The following NDST4 variants were observed in gnomAD, a reference collection of about 807,000 sequenced individuals.
NDST4 encodes N-deacetylase and N-sulfotransferase 4.
A neutral mutation model predicts 100.8 loss-of-function variants in NDST4; 63 were observed. The observed-to-expected ratio is 0.62, with a 90% CI of 0.51 to 0.77. The LOEUF (loss-of-function observed/expected upper bound fraction) is 0.77, where lower values mean the gene tolerates loss of function less well. NDST4 is among the 30% of genes least tolerant of loss of function. NDST4 has a pLI of 0.00. For synonymous variants in NDST4, 377 were observed against 361.8 expected, an observed-to-expected ratio of 1.04 and a Z score of -0.48; for missense variants, 943 against 1,018.4, an observed-to-expected ratio of 0.93 and a Z score of 1.01.
In NDST4 at chr4:114,870,921, G is replaced by A. The variant is rs779656428; in HGVS notation, c.1566C>T (p.Asn522=). 1.2e-6 allele frequency: 2 copies of A among 1,608,160 alleles called. No individual in the cohort carries two copies. Among genetic ancestry groups the A allele is most frequent in the Non-Finnish European group, 8.5e-7 (1 of 1,177,520 alleles). Residue 522 remains asparagine (N), a synonymous_variant, in exon 7 of 14, where the codon AAC becomes AAT. Coordinates refer to ENST00000264363, the MANE Select transcript of NDST4 (RefSeq NM_022569.3). The stretch of plus-strand genomic sequence containing the variant: ...ATAACCCTAGGCGGTCATTTCCATA[G>A]TTTGATAAATGGGTCATGAAAATGC... ...PISIFMTHLS[N]YGNDRLGLYT... is the part of the protein sequence containing the mutation.
intron 1 of NDST4, among the ~76,000 whole-genome samples, chr4:115,106,890 C>T (rs1247284821): frequency 6.6e-6 from 1 of 152,112 alleles, no homozygotes; most frequent in Non-Finnish European, 1.5e-5. Context: ...GGCAGTGGCT[C>T]ATGCCTATGA....
chr4:115,105,606 C>T (rs112877408), intron 1 of NDST4, among the ~76,000 whole-genome samples: 1,765 of 152,116 alleles, frequency 0.012, 36 homozygotes, highest in African/African-American at 0.04. Flanking sequence ...AGTGCGACAA[C>T]AAAAAACAAC....
intron 2 of NDST4, among the ~76,000 whole-genome samples, chr4:114,986,795 T>TATATAC (rs1726914881): frequency 6.1e-5 from 1 of 16,330 alleles, no homozygotes; most frequent in African/African-American, 1.5e-4. Flanking sequence ...CAATTATACA[T>TATATAC]ATATATATAT....
chr4:114,958,169 C>T (rs565768946), intron 4 of NDST4, among the ~76,000 whole-genome samples: 1 of 152,348 alleles, frequency 6.6e-6, no homozygotes, highest in East Asian at 1.9e-4. Flanking sequence ...GGGCTCCGCC[C>T]CTGCAGCACA....
intron 6 of NDST4, among the ~76,000 whole-genome samples, chr4:114,924,640 G>A (rs1018878827): frequency 6.6e-6 from 1 of 152,022 alleles, no homozygotes; most frequent in Non-Finnish European, 1.5e-5. Flanking sequence ...TTTCACTCTA[G>A]TAGAAAAGTT....
At chr4:115,099,711 G>C (rs1729692071) in intron 1 of NDST4, among the ~76,000 whole-genome samples, 1 of 152,092 alleles carries the variant, frequency 6.6e-6, no homozygotes, top group South Asian at 2.1e-4. Flanking sequence ...ATTCATTGCT[G>C]GTAGGAATGA....
intron 1 of NDST4, among the ~76,000 whole-genome samples, chr4:115,085,743 C>T (rs1430339093): frequency 2.0e-5 from 3 of 152,142 alleles, no homozygotes; most frequent in Admixed American, 6.6e-5. Flanking sequence ...GTCAATTAAA[C>T]CTCTTTTCTT....
At chr4:114,995,671 T>C (rs977039406) in intron 2 of NDST4, among the ~76,000 whole-genome samples, 2 of 152,272 alleles carry the variant, frequency 1.3e-5, no homozygotes, top group Admixed American at 6.6e-5. Context: ...TTATTCATTT[T>C]TATCAGAATG....
chr4:114,846,218 A>T (rs1723547480), intron 9 of NDST4, among the ~76,000 whole-genome samples: 1 of 152,184 alleles, frequency 6.6e-6, no homozygotes, highest in African/African-American at 2.4e-5. Flanking sequence ...GAGTGAGGTG[A>T]AATAGGTAGG....
intron 2 of NDST4, among the ~76,000 whole-genome samples, chr4:115,023,145 G>T (rs193020447): frequency 6.6e-6 from 1 of 152,056 alleles, no homozygotes; most frequent in African/African-American, 2.4e-5. Context: ...AGTGTATACT[G>T]CTTGGGTGAT....
chr4:114,877,062 T>TC (rs1310362604), intron 6 of NDST4, among the ~76,000 whole-genome samples: 2 of 131,524 alleles, frequency 1.5e-5, no homozygotes, highest in Non-Finnish European at 3.1e-5. Flanking sequence ...TAAGTGTTAT[T>TC]AACACACACA....
At chr4:114,922,825 C>T (rs1446514489) in intron 6 of NDST4, among the ~76,000 whole-genome samples, 3 of 152,146 alleles carry the variant, frequency 2.0e-5, no homozygotes, top group Non-Finnish European at 4.4e-5. Context: ...CTATTGAGCC[C>T]ATGCTCTATG....
chr4:115,054,774 A>C (rs764575384), intron 2 of NDST4, among the ~76,000 whole-genome samples: 1 of 152,132 alleles, frequency 6.6e-6, no homozygotes, highest in Non-Finnish European at 1.5e-5. Flanking sequence ...CTTATATGTT[A>C]GTATTATCCT....
intron 2 of NDST4, among the ~76,000 whole-genome samples, chr4:115,027,038 C>T (rs762446163): frequency 4.6e-5 from 7 of 152,112 alleles, no homozygotes; most frequent in Non-Finnish European, 1.0e-4. Context: ...AAGAAGTAAC[C>T]TGGCTGGTGG....
At chr4:114,876,613 T>C (rs991721813) in intron 6 of NDST4, among the ~76,000 whole-genome samples, 1 of 152,140 alleles carries the variant, frequency 6.6e-6, no homozygotes, top group Admixed American at 6.6e-5. Flanking sequence ...GGACAACTAA[T>C]AACCTGGTAA....
intron 1 of NDST4, among the ~76,000 whole-genome samples, chr4:115,094,261 T>C (rs534972177): frequency 1.1e-4 from 16 of 152,244 alleles, no homozygotes; most frequent in African/African-American, 3.8e-4. Context: ...AGAATTTGAA[T>C]AGTCAAAAAT....
chr4:115,075,201 C>A (rs1181424469), intron 2 of NDST4, among the ~76,000 whole-genome samples: 1 of 152,078 alleles, frequency 6.6e-6, no homozygotes, highest in African/African-American at 2.4e-5. Context: ...AATCCAATAC[C>A]ACATTCCCTA....
chr4:114,998,431 T>C (rs912099866), intron 2 of NDST4, among the ~76,000 whole-genome samples: 1 of 152,080 alleles, frequency 6.6e-6, no homozygotes, highest in Non-Finnish European at 1.5e-5. Flanking sequence ...AGGTCATGGC[T>C]CACACTGTGC....
chr4:114,954,068 A>T (rs1313709274), intron 4 of NDST4, among the ~76,000 whole-genome samples: 2 of 152,142 alleles, frequency 1.3e-5, no homozygotes, highest in Non-Finnish European at 2.9e-5. Flanking sequence ...CAATAAAGAG[A>T]ATTAACTATA....
Sources: gnomAD v4.1 joint callset for allele counts (sites outside exome capture counted in the v4.1 genomes callset) on GRCh38, gnomAD v4.1.1 for gene constraint, MANE v1.5 for transcripts, NCBI Gene and HGNC (gene_info 2026-07-23, HGNC 2026-07-21) for gene names.